The following NPM3 variants were observed in gnomAD, a reference collection of about 807,000 sequenced individuals.
NPM3 encodes nucleophosmin/nucleoplasmin 3.
NPM3 carries 12 observed loss-of-function variants against 18.1 expected under a neutral mutation model. The ratio of observed to expected loss-of-function variants is 0.66; its 90% CI spans 0.42 to 1.07. NPM3 has a LOEUF of 1.07. Ranked by LOEUF, NPM3 falls within the 50% of genes least tolerant of loss-of-function variation. The probability of loss-of-function intolerance (pLI) is 0.00; values close to 1 mark genes in which losing one functional copy is unlikely to be tolerated. For synonymous variants in NPM3, 116 were observed against 93.7 expected, an observed-to-expected ratio of 1.24 and a Z score of -1.38; for missense variants, 274 against 232.1, an observed-to-expected ratio of 1.18 and a Z score of -1.17.
At chr10:101,782,026 G>C (rs146248208) in intron 4 of NPM3, among the ~76,000 whole-genome samples, 172 bp from the exon 5 acceptor site, 3 of 152,194 alleles carry the variant, frequency 2.0e-5, no homozygotes, top group Non-Finnish European at 4.4e-5. Context: ...AGAGCCAAAG[G>C]AGTCTTCATT....
chr10:101,781,802 GTCCTCT>G (rs776893772), exon 5 of NPM3: 9 of 1,614,122 alleles, frequency 5.6e-6, no homozygotes, highest in South Asian at 1.1e-5. Flanking sequence ...CCTCATCACT[GTCCTCT>G]TCCTCTTCCT....
chr10:101,781,882 TG>T (rs759293946), intron 4 of NPM3, 28 bp from the exon 5 acceptor site: 1 of 1,614,110 alleles, frequency 6.2e-7, no homozygotes, highest in South Asian at 1.1e-5. Flanking sequence ...AGTAGAAGGA[TG>T]GGGTGTTAAG....
Position 101,781,786 on chromosome 10 carries a change from C to CT in NPM3, c.486dup (p.Val163SerfsTer2). 1 of 1,614,182 alleles carries CT rather than the reference C, an allele frequency of 6.2e-7. No individual in the cohort carries two copies. Reference sequence around the variant, plus strand: ...GCAGGAAGGATGGGGCACAGCTCAACTTCTTCCTCATCACTGTCCTCTTCC... The same window carrying CT: ...GCAGGAAGGATGGGGCACAGCTCAACTTTCTTCCTCATCACTGTCCTCTTCC... On this transcript the variant is annotated frameshift_variant, in exon 5 of 6. Coordinates refer to ENST00000370110, the Ensembl canonical transcript of NPM3. LOFTEE classifies it high-confidence loss of function.
chr10:101,782,393 C>T, intron 3 of NPM3, 42 bp from the exon 4 acceptor site: 1 of 1,607,104 alleles, frequency 6.2e-7, no homozygotes, highest in Non-Finnish European at 8.5e-7. Context: ...CACTCCTAGC[C>T]CACCCCACAC....
rs1191855050 is a variant in NPM3 at position 101,783,377 on chromosome 10, G to A, written c.14C>T (p.Thr5Ile). The A allele has an allele frequency of 1.4e-5, 22 of 1,609,162 alleles. No homozygotes were observed. The highest frequency in any genetic ancestry group is 2.7e-5 in the African/African-American group (2 of 74,702). ...ACTCAAAAACGCTAAGGCAGCTGCA[G>A]TACCGGCGGCCATGCTGTAAGAGCC... is the stretch of plus-strand genomic sequence containing the variant. Residue 5 changes from threonine to isoleucine, a missense_variant, in exon 1 of 6, where the codon ACT becomes ATT. Transcript: ENST00000370110.
At chr10:101,781,901 C>T (rs373450353) in intron 4 of NPM3, 47 bp from the exon 5 acceptor site, 3 of 1,613,950 alleles carry the variant, frequency 1.9e-6, no homozygotes, top group Non-Finnish European at 1.7e-6. Context: ...AAGACCAGAC[C>T]GTTTCACACC....
At chr10:101,781,610 G>T in exon 6 of NPM3, 1 of 1,006,196 alleles carries the variant, frequency 9.9e-7, no homozygotes, top group Non-Finnish European at 1.5e-6. Context: ...GGTGCATGGC[G>T]GTGCATGGCA....
At chr10:101,781,911 C>T (rs1422168358) in intron 4 of NPM3, 57 bp from the exon 5 acceptor site, 1 of 1,613,712 alleles carries the variant, frequency 6.2e-7, no homozygotes, top group Non-Finnish European at 8.5e-7. Flanking sequence ...CGTTTCACAC[C>T]GCATGCCATT....
Position 101,783,369 on chromosome 10 carries a change from C to A in NPM3, c.22G>T (p.Ala8Ser), listed in dbSNP as rs770567242. 11 of 1,611,784 alleles carry A rather than the reference C, an allele frequency of 6.8e-6. No homozygotes were observed. Among genetic ancestry groups the A allele is most frequent in the Admixed American group, 6.7e-5 (4 of 59,768 alleles). Residue 8 changes from alanine (A) to serine (S), a missense_variant, in exon 1 of 6, where the codon GCC becomes TCC. Transcript: ENST00000370110. The stretch of plus-strand genomic sequence containing the variant: ...CTCTCCTGACTCAAAAACGCTAAGG[C>A]AGCTGCAGTACCGGCGGCCATGCTG...
At chr10:101,782,977 G>A (rs1436818012) in intron 1 of NPM3, 53 bp from the exon 2 acceptor site, 3 of 1,550,954 alleles carry the variant, frequency 1.9e-6, no homozygotes, top group Non-Finnish European at 2.7e-6. Context: ...GCTGGGCAGC[G>A]GGGGATGTCA....
At chr10:101,783,390 T>A (rs200158458) in exon 1 of NPM3, 9 of 1,603,996 alleles carry the variant, frequency 5.6e-6, no homozygotes, top group Non-Finnish European at 7.7e-6. Context: ...CCGGCGGCCA[T>A]GCTGTAAGAG....
rs753012521 is a variant in NPM3 at position 101,782,242 on chromosome 10, C to A, written c.418+16G>T. On this transcript the variant is annotated intron_variant, in intron 4 of 5. Transcript: ENST00000370110. ...GTCCACTGGAAGCAAAGGAGAGGGC[C>A]CTCCCCTCTTCTCACCAATCTGGTG... 1 of 1,599,352 alleles carries A rather than the reference C, an allele frequency of 6.3e-7. No homozygotes were observed. Among genetic ancestry groups the A allele is most frequent in the South Asian group, 1.1e-5 (1 of 90,178 alleles).
At chr10:101,783,202 C>G (rs935445) in intron 1 of NPM3, 71 bp downstream of exon 1, 436,943 of 1,190,966 alleles carry the variant, frequency 0.37, 85,787 homozygotes, top group South Asian at 0.45. Context: ...TTGAAACCCT[C>G]CGCATTCCCG....
chr10:101,781,718 G>A lies in NPM3; in HGVS notation c.*9+9C>T, dbSNP rs779451672. ...CAGAGCCTGCTAGGCACTTCTCCCC[G>A]CAACTCACCTAGGAGGGCTAGGGCC... On this transcript the variant is annotated intron_variant, in intron 5 of 5. Coordinates refer to ENST00000370110, the Ensembl canonical transcript of NPM3. The A allele has an allele frequency of 2.8e-5, 45 of 1,612,206 alleles. No homozygotes were observed. The highest frequency in any genetic ancestry group is 1.2e-4 in the South Asian group (11 of 90,978).
chr10:101,781,974 G>T (rs758915784), intron 4 of NPM3, 120 bp from the exon 5 acceptor site: 292 of 1,531,094 alleles, frequency 1.9e-4, no homozygotes, highest in Non-Finnish European at 2.3e-4. Context: ...CAGTGCTTAT[G>T]GGCTAGGTGG....
intron 4 of NPM3, 53 bp downstream of exon 4, chr10:101,782,205 C>G (rs1411746751): frequency 4.7e-6 from 7 of 1,486,792 alleles, no homozygotes; most frequent in Non-Finnish European, 4.6e-6. Context: ...GTGGGGGAAG[C>G]CTGATGGGAG....
chr10:101,781,780 G>A, exon 5 of NPM3: 1 of 1,614,150 alleles, frequency 6.2e-7, no homozygotes, highest in Non-Finnish European at 8.5e-7. Flanking sequence ...ATGGGGCACA[G>A]CTCAACTTCT....
At chr10:101,783,015 G>A (rs996053589) in intron 1 of NPM3, 91 bp from the exon 2 acceptor site, 91 of 1,207,830 alleles carry the variant, frequency 7.5e-5, no homozygotes, top group Non-Finnish European at 1.1e-4. Flanking sequence ...GTAACCTTGG[G>A]CGGACGGGTC....
intron 1 of NPM3, 141 bp from the exon 2 acceptor site, chr10:101,783,065 G>C: frequency 1.2e-6 from 1 of 832,416 alleles, no homozygotes; most frequent in East Asian, 2.6e-5. Flanking sequence ...CAGAACACCT[G>C]GGACGCTCTG....
Sources: allele counts gnomAD v4.1 joint callset (sites outside exome capture counted in the v4.1 genomes callset), GRCh38; gene constraint gnomAD v4.1.1; transcripts MANE v1.5; gene names NCBI Gene and HGNC (gene_info 2026-07-23, HGNC 2026-07-21).